FAM135A: variants seen among roughly 807,000 people sequenced by gnomAD.
FAM135A encodes protein FAM135A.
In FAM135A, 79 loss-of-function variants were observed where a neutral mutation model predicts 146.8. The observed-to-expected ratio is 0.54, with a 90% CI of 0.45 to 0.65. FAM135A has a LOEUF of 0.65. FAM135A is among the 30% of genes least tolerant of loss of function. FAM135A has a pLI of 0.00. For synonymous variants in FAM135A, 562 were observed against 603.6 expected, an observed-to-expected ratio of 0.93 and a Z score of 1.01; for missense variants, 1,623 against 1,758.2, an observed-to-expected ratio of 0.92 and a Z score of 1.38.
chr6:70,434,501 C>T (rs189780362), intron 4 of FAM135A, among the ~76,000 whole-genome samples: 3,831 of 151,754 alleles, frequency 0.025, 164 homozygotes, highest in African/African-American at 0.088. Flanking sequence ...ATTTTGCTAC[C>T]AAAAAAAAGT....
Position 70,526,523 on chromosome 6 carries a change from G to C in FAM135A, c.3439G>C (p.Val1147Leu). The C allele has an allele frequency of 3.7e-6, 6 of 1,613,574 alleles. No homozygotes were observed. The highest frequency in any genetic ancestry group is 5.1e-6 in the Non-Finnish European group (6 of 1,179,710). ...GAGAGATGGTATAAACATGCCTACT[G>C]TCTGTACTTCTGGTTGTTTGTCCTT... ...YLRDGINMPT[V>L]CTSGCLSFPS... is the part of the protein sequence containing the mutation. The change falls in exon 15 of 22, where the codon GTC (valine) becomes CTC (leucine). Residue 1147 changes from valine to leucine, a missense_variant. By Grantham distance (32) the Val-to-Leu change is conservative. Around this residue, in one of 7 missense-constraint regions of FAM135A, gnomAD observed 1,061 missense variants for 1,113.8 expected, o/e 0.95. Coordinates refer to ENST00000418814, the MANE Select transcript of FAM135A (RefSeq NM_001162529.3).
intron 10 of FAM135A, among the ~76,000 whole-genome samples, chr6:70,488,598 T>G (rs1018319338): frequency 6.6e-6 from 1 of 152,036 alleles, no homozygotes; most frequent in Non-Finnish European, 1.5e-5. Context: ...AAAATATACC[T>G]GTAACTTTTG....
chr6:70,502,549 T>G (rs1788793068), intron 11 of FAM135A, 87 bp from the exon 12 acceptor site: 1 of 1,375,598 alleles, frequency 7.3e-7, no homozygotes, highest in Admixed American at 2.2e-5. Context: ...AAATTTGCCT[T>G]TGTATTAATA....
intron 11 of FAM135A, among the ~76,000 whole-genome samples, chr6:70,496,772 A>ATTTT (rs60713372): frequency 7.0e-6 from 1 of 143,266 alleles, no homozygotes. Context: ...TCCTTTCCCC[A>ATTTT]TTTTTTTTTT....
intron 3 of FAM135A, chr6:70,426,917 A>G (rs774851211): frequency 6.6e-6 from 1 of 152,208 alleles, no homozygotes; most frequent in Admixed American, 6.5e-5. Flanking sequence ...TTCTAGTATA[A>G]GACACTATCT....
intron 20 of FAM135A, among the ~76,000 whole-genome samples, chr6:70,546,498 A>G (rs1325613236): frequency 6.6e-6 from 1 of 152,208 alleles, no homozygotes; most frequent in Admixed American, 6.5e-5. Context: ...TCTATGCAAC[A>G]TATCATTAGT....
chr6:70,491,167 T>TA (rs1413089537), intron 11 of FAM135A, 84 bp downstream of exon 11: 11 of 1,146,952 alleles, frequency 9.6e-6, no homozygotes, highest in Admixed American at 4.2e-5. Flanking sequence ...TATGAAAACT[T>TA]AAAGTATTTA....
rs1716795635 is a variant in FAM135A, at chr6:70,527,072, C to T, written c.3614+374C>T. ...TAAAACCCTTTTTTCATCAGTCCCT[C>T]ATTTCTCCTCCATTAACTTCCAGAC... On this transcript the variant is annotated intron_variant, in intron 15 of 21. Coordinates refer to ENST00000418814, the MANE Select transcript of FAM135A (RefSeq NM_001162529.3). 5.9e-5 allele frequency among the ~76,000 whole-genome samples: 9 copies of T among 151,982 alleles called. 1 individual carries two copies. Among genetic ancestry groups the T allele is most frequent in the Admixed American group, 5.9e-4 (9 of 15,242 alleles).
At chr6:70,449,473 A>G (rs1776567642) in intron 4 of FAM135A, among the ~76,000 whole-genome samples, 1 of 152,182 alleles carries the variant, frequency 6.6e-6, no homozygotes, top group Admixed American at 6.5e-5. Context: ...CAAGATTTTT[A>G]GATTCTACAT....
At chr6:70,526,750 TACACACACACACAC>T (rs749224479) in intron 15 of FAM135A, 52 bp downstream of exon 15, 9,165 of 851,182 alleles carry the variant, frequency 0.011, 238 homozygotes, top group East Asian at 0.065. Flanking sequence ...CATATATATA[TACACACACACACAC>T]ATACACACAC....
rs556387800 is a variant in FAM135A at position 70,456,014 on chromosome 6, G to A, written c.157+3443G>A. On this transcript the variant is annotated intron_variant, in intron 5 of 21. Transcript: ENST00000418814. ...CTACAGGCGTGCATCACCACACCCA[G>A]CTAATTTTTGTATTTTTAGTAGAGA... is the stretch of plus-strand genomic sequence containing the variant. Among the ~76,000 whole-genome samples, 4 of 152,192 alleles carry A rather than the reference G, an allele frequency of 2.6e-5. No individual in the cohort carries two copies. In the South Asian group the frequency reaches 8.3e-4, roughly 32 times the overall value.
chr6:70,487,688 A>G (rs145080780), intron 10 of FAM135A, among the ~76,000 whole-genome samples: 19 of 152,290 alleles, frequency 1.2e-4, no homozygotes, highest in African/African-American at 4.1e-4. Context: ...TTACTGTAAA[A>G]TTAAAGAATT....
intron 10 of FAM135A, among the ~76,000 whole-genome samples, chr6:70,487,712 T>G (rs1784959404): frequency 6.6e-6 from 1 of 152,068 alleles, no homozygotes; most frequent in Non-Finnish European, 1.5e-5. Context: ...AGTATGAAAC[T>G]GTGGCCATTT....
intron 4 of FAM135A, among the ~76,000 whole-genome samples, chr6:70,444,679 A>G (rs1373023788): frequency 6.6e-6 from 1 of 152,208 alleles, no homozygotes; most frequent in Non-Finnish European, 1.5e-5. Flanking sequence ...TTTCATAAAT[A>G]TCAGATGAAC....
rs1294380910 is a variant in FAM135A at position 70,524,344 on chromosome 6, C to T, written c.1260C>T (p.Asp420=). The change falls in exon 15 of 22, where the codon GAC becomes GAT. Residue 420 remains aspartate (D), a splice_region_variant and synonymous_variant. Transcript: ENST00000418814. The part of the protein sequence containing the change: ...EDRYLDSVTE[D]LDAPWMGIQN... ...AATCTTTTTTTCTTTGGATAAAAGA[C>T]TTAGATGCACCCTGGATGGGAATTC... is the stretch of plus-strand genomic sequence containing the variant. 1 of 1,476,690 alleles carries T rather than the reference C, an allele frequency of 6.8e-7. No individual in the cohort carries two copies. Among genetic ancestry groups the T allele is most frequent in the Non-Finnish European group, 8.9e-7 (1 of 1,118,678 alleles). The allele number at this position is 1,476,690 out of a possible 1,614,324, so 91.5% of individuals were successfully genotyped here. A position where few individuals can be genotyped will look rare whatever the true frequency, so the allele number is the denominator to read the frequency against.
chr6:70,451,598 CTT>C (rs1199404767), intron 4 of FAM135A, among the ~76,000 whole-genome samples: 6 of 152,130 alleles, frequency 3.9e-5, no homozygotes, highest in African/African-American at 1.4e-4. Context: ...TTCATTTACT[CTT>C]TGCGATCTGA....
intron 5 of FAM135A, among the ~76,000 whole-genome samples, chr6:70,468,925 G>A (rs1367186333): frequency 2.0e-5 from 3 of 152,184 alleles, no homozygotes; most frequent in Non-Finnish European, 4.4e-5. Context: ...CAGCGACCTA[G>A]TGGCCTGTAG....
At chr6:70,429,506 C>CGGG (rs1263043682) in intron 4 of FAM135A, among the ~76,000 whole-genome samples, 6 of 151,432 alleles carry the variant, frequency 4.0e-5, no homozygotes, top group African/African-American at 1.5e-4. Context: ...GAGCAAGACT[C>CGGG]CATCTCAAGG....
Position 70,480,914 on chromosome 6 carries a change from G to C in FAM135A, c.556G>C (p.Val186Leu). The change falls in exon 9 of 22, where the codon GTG becomes CTG. Residue 186 changes from valine to leucine, a missense_variant. Val to Leu is a conservative substitution (Grantham distance 32). This residue lies in a region of FAM135A where 206 missense variants were observed against 194.7 expected (regional missense o/e 1.06). Transcript: ENST00000418814. Reference sequence around the variant, plus strand: ...TTCTTCCTCCAGCTTTCCTCGCCCTGTGAAGACAACTTGGTTAAATAGAAA... The same window carrying C: ...TTCTTCCTCCAGCTTTCCTCGCCCTCTGAAGACAACTTGGTTAAATAGAAA... ...HQPLISFPRP[V>L]KTTWLNRNAP... is the part of the protein sequence containing the mutation. 1 of 1,610,450 alleles carries C rather than the reference G, an allele frequency of 6.2e-7. No homozygotes were observed. Among genetic ancestry groups the C allele is most frequent in the Non-Finnish European group, 8.5e-7 (1 of 1,178,684 alleles).
Sources: allele counts gnomAD v4.1 joint callset (sites outside exome capture counted in the v4.1 genomes callset), GRCh38; gene constraint gnomAD v4.1.1; regional missense constraint gnomAD v4.1.1; transcripts MANE v1.5; gene names NCBI Gene and HGNC (gene_info 2026-07-23, HGNC 2026-07-21).